TTC27: variants seen among roughly 807,000 people sequenced by gnomAD.
TTC27 encodes tetratricopeptide repeat protein 27.
TTC27 carries 79 observed loss-of-function variants against 115.9 expected under a neutral mutation model. The ratio of observed to expected loss-of-function variants is 0.68; its 90% confidence interval spans 0.57 to 0.82. The LOEUF (loss-of-function observed/expected upper bound fraction) is 0.82, where lower values mean the gene tolerates loss of function less well. Among genes scored for constraint, TTC27 ranks in the 40% least tolerant of loss-of-function variants. The pLI is 0.00. For missense variants in TTC27, 1,054 were observed against 993.1 expected, an observed-to-expected ratio of 1.06 and a Z score of -0.82; for synonymous variants, 401 against 356.0, an observed-to-expected ratio of 1.13 and a Z score of -1.42.
intron 5 of TTC27, among the ~76,000 whole-genome samples, chr2:32,654,434 G>T (rs1315122891): frequency 6.6e-6 from 1 of 152,010 alleles, no homozygotes; most frequent in Non-Finnish European, 1.5e-5. Context: ...CCTATAATAA[G>T]ATCTCATATT....
At position 32,793,702 on chromosome 2, in the gene TTC27, T is replaced by C. The variant is rs183427791; in HGVS notation, c.1998+6553T>C. Among the ~76,000 whole-genome samples the C allele has an allele frequency of 1.3e-4, 20 of 152,214 alleles. No individual in the cohort carries two copies. The East Asian group carries it at 3.5e-3, about 26-fold the overall frequency. On this transcript the variant is annotated intron_variant, in intron 16 of 19. Transcript: ENST00000317907. ...CACGCCCGGCTAATTTTTGTATTTT[T>C]AGTAGAGACGGGGTTTCACCATGTT...
chr2:32,758,015 A>G (rs1669298688), intron 12 of TTC27, among the ~76,000 whole-genome samples: 1 of 152,152 alleles, frequency 6.6e-6, no homozygotes. Flanking sequence ...AACAACTTTT[A>G]TGTGTGCTGG....
intron 19 of TTC27, among the ~76,000 whole-genome samples, chr2:32,819,146 C>T (rs1292625470): frequency 6.6e-6 from 1 of 152,178 alleles, no homozygotes; most frequent in Non-Finnish European, 1.5e-5. Context: ...CTGTGGCTTC[C>T]TTTTGTCTGT....
chr2:32,640,143 C>A, intron 3 of TTC27, 127 bp from the exon 4 acceptor site: 1 of 841,494 alleles, frequency 1.2e-6, no homozygotes, highest in South Asian at 1.9e-5. Context: ...GTGCCAATTG[C>A]TGTGTAATAT....
In TTC27 at chr2:32,700,569, C is replaced by T. The variant is rs74396122; in HGVS notation, c.1120-2238C>T. Among the ~76,000 whole-genome samples the T allele has an allele frequency of 3.9e-4, 60 of 152,042 alleles. 3 individuals carry two copies. In the East Asian group the frequency reaches 0.011, roughly 28 times the overall value. On this transcript the variant is annotated intron_variant, in intron 9 of 19. Coordinates refer to ENST00000317907, the MANE Select transcript of TTC27 (RefSeq NM_017735.5). The stretch of plus-strand genomic sequence containing the variant: ...AAATTTTTTTTTTGACATAGTTTTG[C>T]GCTTGTTGCCTAGATCGAAGTGCAG...
chr2:32,761,355 A>T (rs77099554), intron 13 of TTC27, among the ~76,000 whole-genome samples: 6,538 of 152,196 alleles, frequency 0.043, 181 homozygotes, highest in East Asian at 0.097. Flanking sequence ...ATTGTCTTGC[A>T]CCTGATTAAT....
At chr2:32,630,730 G>T in intron 2 of TTC27, 30 bp downstream of exon 2, 2 of 1,584,516 alleles carry the variant, frequency 1.3e-6, no homozygotes, top group South Asian at 2.3e-5. Context: ...TTTCATAGAG[G>T]AACAGAGCAA....
intron 1 of TTC27, 137 bp from the exon 2 acceptor site, chr2:32,630,386 G>A (rs1664134844): frequency 1.7e-6 from 1 of 584,022 alleles, no homozygotes; most frequent in Non-Finnish European, 2.8e-6. Context: ...AGTGCCTTGT[G>A]ACTGACATAC....
intron 5 of TTC27, among the ~76,000 whole-genome samples, chr2:32,653,386 G>A (rs919908979): frequency 2.6e-5 from 4 of 152,134 alleles, no homozygotes; most frequent in African/African-American, 9.7e-5. Context: ...CTGAGGTCAA[G>A]AGTTCAAGAC....
At chr2:32,660,925 C>T (rs1165906027) in intron 5 of TTC27, among the ~76,000 whole-genome samples, 1 of 151,358 alleles carries the variant, frequency 6.6e-6, no homozygotes, top group Admixed American at 6.6e-5. Context: ...GTCTTTAATC[C>T]ATCTTGAGTT....
At chr2:32,771,927 C>G (rs899895386) in intron 13 of TTC27, among the ~76,000 whole-genome samples, 5 of 151,864 alleles carry the variant, frequency 3.3e-5, no homozygotes, top group Admixed American at 2.0e-4. Context: ...TCTACATTAA[C>G]CTTTATTATA....
intron 18 of TTC27, among the ~76,000 whole-genome samples, chr2:32,813,378 A>C (rs1478504696): frequency 6.6e-6 from 1 of 152,238 alleles, no homozygotes; most frequent in Non-Finnish European, 1.5e-5. Flanking sequence ...AACAAGGAAG[A>C]ATGCAAAGGG....
chr2:32,773,988 G>A (rs1669913024), intron 13 of TTC27, among the ~76,000 whole-genome samples: 1 of 152,132 alleles, frequency 6.6e-6, no homozygotes, highest in Non-Finnish European at 1.5e-5. Context: ...GATCCATGCT[G>A]TGTTGAATTC....
At chr2:32,689,523 C>T (rs1289176459) in intron 9 of TTC27, among the ~76,000 whole-genome samples, 3 of 151,934 alleles carry the variant, frequency 2.0e-5, no homozygotes, top group Admixed American at 6.6e-5. Flanking sequence ...TGTTCACATT[C>T]GTTATGAAGT....
chr2:32,779,697 T>C (rs1278610566), intron 14 of TTC27, among the ~76,000 whole-genome samples: 2 of 152,164 alleles, frequency 1.3e-5, no homozygotes, highest in Non-Finnish European at 2.9e-5. Flanking sequence ...ATACTTTTGG[T>C]ACAATATCTA....
chr2:32,669,033 C>A (rs1036362777), intron 7 of TTC27, among the ~76,000 whole-genome samples: 7 of 151,740 alleles, frequency 4.6e-5, no homozygotes, highest in South Asian at 2.1e-4. Context: ...GAGCTGAGAT[C>A]GTGCCACTGC....
At position 32,667,080 on chromosome 2, in the gene TTC27, C is replaced by T. The variant is rs1003850383; in HGVS notation, c.939+312C>T. On this transcript the variant is annotated intron_variant, in intron 7 of 19. Transcript: ENST00000317907. ...ATGTATTACCCCTCTTGAAGAAATA[C>T]GAAAGGCAGACTGGGTGTAGACCAG... Among the ~76,000 whole-genome samples, 12 of 152,048 alleles carry T rather than the reference C, an allele frequency of 7.9e-5. No individual in the cohort carries two copies. The South Asian group carries it at 1.9e-3, about 24-fold the overall frequency.
chr2:32,684,129 G>C (rs1666543887), intron 9 of TTC27, among the ~76,000 whole-genome samples: 1 of 152,166 alleles, frequency 6.6e-6, no homozygotes, highest in African/African-American at 2.4e-5. Flanking sequence ...CTGCACCCCA[G>C]GCTGCACGAC....
intron 13 of TTC27, among the ~76,000 whole-genome samples, chr2:32,771,981 A>C (rs970517909): frequency 6.6e-6 from 1 of 152,230 alleles, no homozygotes; most frequent in Non-Finnish European, 1.5e-5. Context: ...GAGGGAAATT[A>C]GCCAAAAGTT....
Sources: allele counts gnomAD v4.1 joint callset (sites outside exome capture counted in the v4.1 genomes callset), GRCh38; gene constraint gnomAD v4.1.1; transcripts MANE v1.5; gene names NCBI Gene and HGNC (gene_info 2026-07-23, HGNC 2026-07-21).